CCS: variants seen among roughly 807,000 people sequenced by gnomAD.
CCS encodes the protein superoxide dismutase copper chaperone.
CCS carries 32 observed loss-of-function variants against 35.5 expected under a neutral mutation model. That is an observed-to-expected ratio of 0.90 (90% CI 0.68 to 1.21). CCS has a LOEUF of 1.21. CCS is among the 50% of genes most tolerant of loss of function. The probability of loss-of-function intolerance (pLI) is 0.00; values close to 1 mark genes in which losing one functional copy is unlikely to be tolerated. For synonymous variants in CCS, 130 were observed against 147.2 expected, an observed-to-expected ratio of 0.88 and a Z score of 0.84; for missense variants, 342 against 375.4, an observed-to-expected ratio of 0.91 and a Z score of 0.73.
chr11:66,594,541 C>CA (rs1376625980), intron 2 of CCS, among the ~76,000 whole-genome samples: 1 of 151,974 alleles, frequency 6.6e-6, no homozygotes, highest in Admixed American at 6.6e-5. Context: ...TTTGGGACAC[C>CA]AAAGTAGGTA....
At chr11:66,605,016 T>A (rs2134986431) in intron 5 of CCS, 1 of 876,836 alleles carries the variant, frequency 1.1e-6, no homozygotes, top group Non-Finnish European at 1.6e-6. Flanking sequence ...AACAGTCTGA[T>A]CCAATGGGAA....
chr11:66,601,209 C>T (rs1439763307), intron 5 of CCS, among the ~76,000 whole-genome samples: 3 of 152,218 alleles, frequency 2.0e-5, no homozygotes, highest in Non-Finnish European at 4.4e-5. Context: ...TCTCCTGCCT[C>T]AGCCTCCCTA....
At chr11:66,605,067 G>A (rs576368856) in intron 5 of CCS, 1 of 1,378,860 alleles carries the variant, frequency 7.3e-7, no homozygotes, top group Non-Finnish European at 9.6e-7. Flanking sequence ...GCTCTTTTCA[G>A]CCCACTGTCA....
chr11:66,600,619 T>C (rs1858558990), intron 5 of CCS, 70 bp downstream of exon 5: 1 of 749,948 alleles, frequency 1.3e-6, no homozygotes, highest in Non-Finnish European at 2.1e-6. Flanking sequence ...GGCAGGCAGC[T>C]CTTGGGATCA....
intron 2 of CCS, among the ~76,000 whole-genome samples, chr11:66,596,160 C>T (rs1003214037): frequency 3.9e-4 from 59 of 152,122 alleles, no homozygotes; most frequent in African/African-American, 1.4e-3. Context: ...CTCCACCTCC[C>T]GGTTCATTTG....
intron 2 of CCS, among the ~76,000 whole-genome samples, chr11:66,594,016 A>G: frequency 6.6e-6 from 1 of 152,132 alleles, no homozygotes; most frequent in Non-Finnish European, 1.5e-5. Context: ...GGGAAACAAC[A>G]TAATCTTGAC....
At position 66,593,622 on chromosome 11, in the gene CCS, G is replaced by A; in HGVS notation, c.40-20G>A. ...GGCACTTCCCCAGCGATCATCGGTT[G>A]GTCCCTGCCGCCCTTGCAGTTGGAG... On this transcript the variant is annotated intron_variant, in intron 1 of 7. Transcript: ENST00000533244. 1 of 1,612,222 alleles carries A rather than the reference G, an allele frequency of 6.2e-7. No individual in the cohort carries two copies. The highest frequency in any genetic ancestry group is 8.5e-7 in the Non-Finnish European group (1 of 1,179,398).
At chr11:66,595,252 A>G (rs1858457183) in intron 2 of CCS, among the ~76,000 whole-genome samples, 1 of 152,198 alleles carries the variant, frequency 6.6e-6, no homozygotes, top group African/African-American at 2.4e-5. Flanking sequence ...GGATTATGAG[A>G]AGAAGGGCTT....
chr11:66,605,954 C>T lies in CCS; in HGVS notation c.*99C>T. ...CTTTGCCTGCCCAGTCTTTGGAGAG[C>T]TCAGTACAGGGCAGGAGCTGCTGTG... On this transcript the variant is annotated 3_prime_UTR_variant, in exon 8 of 8. Transcript: ENST00000533244. 1 of 1,287,266 alleles carries T rather than the reference C, an allele frequency of 7.8e-7. No individual in the cohort carries two copies. The allele number at this position is 1,287,266 out of a possible 1,614,324, so 79.7% of individuals were successfully genotyped here. A position where few individuals can be genotyped will look rare whatever the true frequency, so the allele number is the denominator to read the frequency against.
chr11:66,605,126 G>C (rs1669030743), intron 5 of CCS: 1 of 1,524,420 alleles, frequency 6.6e-7, no homozygotes, highest in Middle Eastern at 1.7e-4. Flanking sequence ...GATGGTCCGG[G>C]ACTTCCTGGA....
rs138953573 is a variant in CCS, at chr11:66,602,449, CGAGAGA to C, written c.489+1909_489+1914del. 5.6e-3 allele frequency among the ~76,000 whole-genome samples: 850 copies of C among 151,908 alleles called. 64 individuals are homozygous for C. In the East Asian group the frequency reaches 0.14, roughly 25 times the overall value. On this transcript the variant is annotated intron_variant, in intron 5 of 7. Transcript: ENST00000533244. The stretch of plus-strand genomic sequence containing the variant: ...GTTGGCTTCTCTCAGAGTGAATGAG[CGAGAGA>C]GAGAGAGATTGAGATTGAGAGAGGG...
chr11:66,604,700 G>A (rs1359536815), intron 5 of CCS, among the ~76,000 whole-genome samples: 1 of 152,144 alleles, frequency 6.6e-6, no homozygotes, highest in Non-Finnish European at 1.5e-5. Flanking sequence ...TGGGTAGTGT[G>A]TCTGACCTAG....
Position 66,602,482 on chromosome 11 carries a change from G to A in CCS, c.489+1933G>A, listed in dbSNP as rs555212686. ...AGAGAGATTGAGATTGAGAGAGGGC[G>A]TCCAAGACTCAAGCCACATTCTTTT... On this transcript the variant is annotated intron_variant, in intron 5 of 7. Coordinates refer to ENST00000533244, the MANE Select transcript of CCS (RefSeq NM_005125.2). Among the ~76,000 whole-genome samples, 17 of 152,340 alleles carry A rather than the reference G, an allele frequency of 1.1e-4. No individual in the cohort carries two copies. In the South Asian group the frequency reaches 2.5e-3, roughly 22 times the overall value.
At position 66,593,269 on chromosome 11, in the gene CCS, C is replaced by T. The variant is rs1451439150; in HGVS notation, c.8C>T (p.Ser3Leu). 1.3e-6 allele frequency: 2 copies of T among 1,560,044 alleles called. No individual in the cohort carries two copies. Among genetic ancestry groups the T allele is most frequent in the South Asian group, 1.2e-5 (1 of 84,678 alleles). MASDSGNQGTLCT... is the reference protein window; with the variant it reads MALDSGNQGTLCT... Reference sequence around the variant, plus strand: ...GTGGTGACTGGGTCCAGAATGGCTTCGGATTCGGGGAACCAGGGGACCCTC... The same window carrying T: ...GTGGTGACTGGGTCCAGAATGGCTTTGGATTCGGGGAACCAGGGGACCCTC... The change falls in exon 1 of 8, where the codon TCG (serine) becomes TTG (leucine). Residue 3 changes from serine to leucine, a missense_variant. Transcript: ENST00000533244.
Position 66,599,548 on chromosome 11 carries a change from CTCA to C in CCS, c.343_345del (p.Ile115del), listed in dbSNP as rs1858539004. The C allele has an allele frequency of 1.9e-6, 3 of 1,603,656 alleles. No individual in the cohort carries two copies. The East Asian group carries it at 6.8e-5, about 36-fold the overall frequency. On this transcript the variant is annotated inframe_deletion, in exon 4 of 8. Transcript: ENST00000533244. ...CCTACAGCTGACCCCTGAGCGCTGC[CTCA>C]TCGAGGGAACTATTGACGGCCTGGA...
At chr11:66,599,396 G>A (rs758636177) in intron 3 of CCS, 63 bp from the exon 4 acceptor site, 142 of 1,499,348 alleles carry the variant, frequency 9.5e-5, no homozygotes, top group Non-Finnish European at 2.3e-5. Flanking sequence ...TGCCCTTCCC[G>A]AGCTGCTGAA....
intron 2 of CCS, 77 bp downstream of exon 2, chr11:66,593,791 C>A: frequency 7.6e-7 from 1 of 1,324,388 alleles, no homozygotes; most frequent in Non-Finnish European, 1.1e-6. Flanking sequence ...TAGGCGAACC[C>A]TACTCCCATT....
At chr11:66,601,241 C>T (rs1023205219) in intron 5 of CCS, among the ~76,000 whole-genome samples, 8 of 152,076 alleles carry the variant, frequency 5.3e-5, no homozygotes, top group African/African-American at 1.7e-4. Flanking sequence ...TACAGGTGCA[C>T]ACCACCACAC....
Position 66,593,188 on chromosome 11 carries a change from C to G in CCS, c.-74C>G. ...TTAAGGGTGGCTTTAGAGGCTCAGT[C>G]CCCGCGACGCCGCGCTGGTTGGTGC... On this transcript the variant is annotated 5_prime_UTR_variant, in exon 1 of 8. Coordinates refer to ENST00000533244, the MANE Select transcript of CCS (RefSeq NM_005125.2). 1.3e-6 allele frequency: 2 copies of G among 1,514,192 alleles called. No homozygotes were observed. The highest frequency in any genetic ancestry group is 1.8e-6 in the Non-Finnish European group (2 of 1,117,702). 93.8% of individuals were successfully genotyped at this position (1,514,192 alleles called of 1,614,324 possible). A position where few individuals can be genotyped will look rare whatever the true frequency, so the allele number is the denominator to read the frequency against.
Sources: gnomAD v4.1 joint callset for allele counts (sites outside exome capture counted in the v4.1 genomes callset) on GRCh38, gnomAD v4.1.1 for gene constraint, MANE v1.5 for transcripts, NCBI Gene and HGNC (gene_info 2026-07-23, HGNC 2026-07-21) for gene names.